CTNNA3: variants seen among roughly 807,000 people sequenced by gnomAD.
The protein encoded by CTNNA3 is catenin alpha 3.
In CTNNA3, 76 loss-of-function variants were observed where a neutral mutation model predicts 95.7. The observed-to-expected ratio is 0.79, with a 90% CI of 0.66 to 0.96. The LOEUF (loss-of-function observed/expected upper bound fraction) is 0.96. Ranked by LOEUF, CTNNA3 falls within the 40% of genes least tolerant of loss-of-function variation. CTNNA3 has a pLI of 0.00. For synonymous variants in CTNNA3, 431 were observed against 374.4 expected (o/e 1.15, Z -1.74); for missense variants, 1,191 against 1,089.8 (o/e 1.09, Z -1.31).
chr10:66,049,731 G>A (rs1305115563), intron 15 of CTNNA3, among the ~76,000 whole-genome samples: 2 of 152,084 alleles, frequency 1.3e-5, no homozygotes, highest in Non-Finnish European at 2.9e-5. Context: ...TTATAAGTGG[G>A]AGTTAAATGG....
intron 9 of CTNNA3, among the ~76,000 whole-genome samples, chr10:66,634,518 T>C (rs1845267581): frequency 6.6e-6 from 1 of 151,920 alleles, no homozygotes; most frequent in South Asian, 2.1e-4. Flanking sequence ...CCAGCCAATA[T>C]TGATCTTAAT....
intron 12 of CTNNA3, among the ~76,000 whole-genome samples, chr10:66,313,272 A>G (rs2092049371): frequency 6.6e-6 from 1 of 152,196 alleles, no homozygotes; most frequent in South Asian, 2.1e-4. Context: ...CTAGTAAGTG[A>G]TCAGTCTGGA....
chr10:67,568,456 T>C (rs1841880355), intron 3 of CTNNA3, among the ~76,000 whole-genome samples: 1 of 129,788 alleles, frequency 7.7e-6, no homozygotes, highest in Admixed American at 7.2e-5. Context: ...ATTGTTCCAG[T>C]ATATATATAT....
chr10:66,339,696 A>G (rs145126751), intron 12 of CTNNA3, among the ~76,000 whole-genome samples: 2 of 151,946 alleles, frequency 1.3e-5, no homozygotes, highest in East Asian at 3.9e-4. Flanking sequence ...TCTTTCCTGT[A>G]GTGAAAAGGG....
At chr10:67,450,783 A>C (rs903199523) in intron 5 of CTNNA3, among the ~76,000 whole-genome samples, 4 of 152,088 alleles carry the variant, frequency 2.6e-5, no homozygotes, top group African/African-American at 9.7e-5. Context: ...AACCTAAAAT[A>C]AAAGTTTAAA....
At chr10:67,598,646 G>T (rs1842994192) in intron 3 of CTNNA3, among the ~76,000 whole-genome samples, 3 of 152,074 alleles carry the variant, frequency 2.0e-5, no homozygotes, top group Admixed American at 1.3e-4. Flanking sequence ...AAACTGGAGA[G>T]AATTTGACTC....
rs1237167990 is a variant in CTNNA3 at position 67,499,818 on chromosome 10, C to T, written c.579+22024G>A. ...TTTATTGTGTCTATTTGATTCTTCT[C>T]TCTTTTCTTCTTTATTAGTCTGGCT... On this transcript the variant is annotated intron_variant, in intron 5 of 17. Coordinates refer to ENST00000433211, the MANE Select transcript of CTNNA3 (RefSeq NM_013266.4). Among the ~76,000 whole-genome samples the T allele has an allele frequency of 2.0e-5, 3 of 152,082 alleles. No homozygotes were observed. In the East Asian group the frequency reaches 5.8e-4, roughly 29 times the overall value.
intron 11 of CTNNA3, among the ~76,000 whole-genome samples, chr10:66,484,030 G>A (rs953707468): frequency 3.3e-5 from 5 of 152,080 alleles, no homozygotes; most frequent in Non-Finnish European, 7.4e-5. Flanking sequence ...CTCCAAGGAA[G>A]TAATATTACT....
chr10:66,173,184 C>T (rs2085520467), intron 13 of CTNNA3, among the ~76,000 whole-genome samples: 1 of 152,048 alleles, frequency 6.6e-6, no homozygotes, highest in Admixed American at 6.6e-5. Flanking sequence ...GAACATTTAC[C>T]ATGATAAGTG....
At chr10:67,237,173 T>TATATATAA (rs1554810783) in intron 5 of CTNNA3, among the ~76,000 whole-genome samples, 1 of 112,836 alleles carries the variant, frequency 8.9e-6, no homozygotes, top group Non-Finnish European at 1.8e-5. Flanking sequence ...TATATATATA[T>TATATATAA]ACACACACAA....
chr10:66,152,162 T>C (rs1487791958), intron 13 of CTNNA3, among the ~76,000 whole-genome samples: 1 of 151,950 alleles, frequency 6.6e-6, no homozygotes, highest in African/African-American at 2.4e-5. Context: ...AACATTCTAC[T>C]AAACTTGACA....
chr10:66,911,601 T>C (rs912463025), intron 7 of CTNNA3, among the ~76,000 whole-genome samples: 42 of 152,190 alleles, frequency 2.8e-4, no homozygotes, highest in African/African-American at 9.6e-4. Flanking sequence ...TCAAAGGATC[T>C]AGGCTCTACT....
At chr10:66,766,439 G>GT in intron 8 of CTNNA3, 23 bp from the exon 9 acceptor site, 1 of 1,572,686 alleles carries the variant, frequency 6.4e-7, no homozygotes, top group South Asian at 1.2e-5. Flanking sequence ...GAAAAATTCA[G>GT]GTTTTTTTTT....
chr10:66,459,213 CT>C (rs1378363435), intron 11 of CTNNA3, among the ~76,000 whole-genome samples: 1 of 152,020 alleles, frequency 6.6e-6, no homozygotes, highest in Non-Finnish European at 1.5e-5. Flanking sequence ...ATTTTCTTTT[CT>C]CTAGCTTTCT....
chr10:66,824,559 T>C (rs1388641615), intron 7 of CTNNA3, among the ~76,000 whole-genome samples: 1 of 152,168 alleles, frequency 6.6e-6, no homozygotes, highest in Non-Finnish European at 1.5e-5. Context: ...ATATGAGGCT[T>C]ACTGTTCAGA....
intron 9 of CTNNA3, among the ~76,000 whole-genome samples, chr10:66,688,697 C>T (rs1405333270): frequency 8.5e-5 from 13 of 152,142 alleles, no homozygotes; most frequent in African/African-American, 1.2e-4. Flanking sequence ...ACCGGCCGGG[C>T]GCGGTGGCTC....
intron 1 of CTNNA3, among the ~76,000 whole-genome samples, chr10:67,729,632 A>G (rs986758180): frequency 6.6e-6 from 1 of 152,178 alleles, no homozygotes; most frequent in Non-Finnish European, 1.5e-5. Flanking sequence ...CATGGTCAGA[A>G]TATAATAAAT....
At chr10:66,856,987 A>T (rs191791766) in intron 7 of CTNNA3, among the ~76,000 whole-genome samples, 2 of 152,164 alleles carry the variant, frequency 1.3e-5, no homozygotes, top group Admixed American at 1.3e-4. Flanking sequence ...GCCAGGGACT[A>T]TGTTCAGAAT....
chr10:66,707,829 T>A (rs1271113020), intron 9 of CTNNA3, among the ~76,000 whole-genome samples: 1 of 152,090 alleles, frequency 6.6e-6, no homozygotes, highest in Non-Finnish European at 1.5e-5. Flanking sequence ...GACAACACTT[T>A]CCAAGTCTTC....
Sources: allele counts gnomAD v4.1 joint callset (sites outside exome capture counted in the v4.1 genomes callset), GRCh38; gene constraint gnomAD v4.1.1; transcripts MANE v1.5; gene names NCBI Gene and HGNC (gene_info 2026-07-23, HGNC 2026-07-21).